Variants in ERC1 observed in about 807,000 individuals in gnomAD.
The protein encoded by ERC1 is ELKS/RAB6-interacting/CAST family member 1, also known as RAB6 interacting protein 2.
ERC1 carries 56 observed loss-of-function variants against 132.0 expected under a neutral mutation model. The observed-to-expected ratio is 0.42, with a 90% CI of 0.34 to 0.53. The LOEUF (loss-of-function observed/expected upper bound fraction) is 0.53. Among genes scored for constraint, ERC1 ranks in the 20% least tolerant of loss-of-function variants. The pLI is 0.03. For synonymous variants in ERC1, 478 were observed against 476.1 expected, an observed-to-expected ratio of 1.00 and a Z score of -0.05; for missense variants, 1,202 against 1,349.9, an observed-to-expected ratio of 0.89 and a Z score of 1.72.
In ERC1 at chr12:1,367,104, G is replaced by A. The variant is rs2086734209; in HGVS notation, c.2781-4729G>A. ...TCATTAGAGGATTTCTTCAGGAAAA[G>A]AGATAGAAGAGTAGAAGAGATATAT... On this transcript the variant is annotated intron_variant, in intron 15 of 18. Coordinates refer to ENST00000360905, the MANE Select transcript of ERC1 (RefSeq NM_178040.4). Among the ~76,000 whole-genome samples the A allele has an allele frequency of 2.0e-5, 3 of 152,162 alleles. No homozygotes were observed. In the South Asian group the frequency reaches 6.2e-4, roughly 31 times the overall value.
chr12:1,014,065 C>T (rs1190313415), intron 1 of ERC1, among the ~76,000 whole-genome samples: 1 of 151,432 alleles, frequency 6.6e-6, no homozygotes, highest in East Asian at 1.9e-4. Flanking sequence ...GAGATATTAG[C>T]AATCTGTCTA....
chr12:1,347,393 A>G (rs1004359224), intron 15 of ERC1, among the ~76,000 whole-genome samples: 9 of 152,110 alleles, frequency 5.9e-5, no homozygotes, highest in Non-Finnish European at 8.8e-5. Flanking sequence ...GTACAACATG[A>G]TGTTTTGAAA....
intron 2 of ERC1, among the ~76,000 whole-genome samples, chr12:1,058,194 A>T (rs1180121710): frequency 1.3e-5 from 2 of 152,104 alleles, no homozygotes; most frequent in African/African-American, 2.4e-5. Flanking sequence ...AGTTTGTTAT[A>T]GTCCCATTTG....
chr12:1,179,083 T>G (rs1037545755), intron 8 of ERC1, among the ~76,000 whole-genome samples: 1 of 152,214 alleles, frequency 6.6e-6, no homozygotes, highest in Non-Finnish European at 1.5e-5. Context: ...ATAATAATTT[T>G]TATTGTACTT....
At chr12:1,425,737 C>T (rs2092614671) in intron 17 of ERC1, among the ~76,000 whole-genome samples, 1 of 152,112 alleles carries the variant, frequency 6.6e-6, no homozygotes, top group Non-Finnish European at 1.5e-5. Flanking sequence ...ATTTTTCTGG[C>T]CCTAATGCAC....
At chr12:1,431,491 T>C (rs1193074868) in intron 17 of ERC1, among the ~76,000 whole-genome samples, 1 of 152,088 alleles carries the variant, frequency 6.6e-6, no homozygotes, top group Non-Finnish European at 1.5e-5. Context: ...ATACATGTAG[T>C]TGAAAATGTT....
chr12:1,378,293 A>G (rs10773941), intron 16 of ERC1, among the ~76,000 whole-genome samples: 61,991 of 152,048 alleles, frequency 0.41, 13,935 homozygotes, highest in African/African-American at 0.59. Flanking sequence ...CAAGTTGGAG[A>G]CAGTAAATAA....
Position 1,164,541 on chromosome 12 carries a change from C to T in ERC1, c.1738-15999C>T, listed in dbSNP as rs570738524. Among the ~76,000 whole-genome samples, 24 of 152,122 alleles carry T rather than the reference C, an allele frequency of 1.6e-4. No individual in the cohort carries two copies. The East Asian group carries it at 3.9e-3, about 25-fold the overall frequency. On this transcript the variant is annotated intron_variant, in intron 8 of 18. Transcript: ENST00000360905. ...TATTTTTAGTAGAGAAGGGTTTCACCGTGTTAGCCAGGATGGTCTCGATCT... is the reference window on the plus strand; with the variant it reads ...TATTTTTAGTAGAGAAGGGTTTCACTGTGTTAGCCAGGATGGTCTCGATCT...
intron 14 of ERC1, among the ~76,000 whole-genome samples, chr12:1,277,385 A>G (rs2078346915): frequency 6.6e-6 from 1 of 152,220 alleles, no homozygotes; most frequent in African/African-American, 2.4e-5. Flanking sequence ...CATCACTGGT[A>G]AATTTGACAT....
intron 17 of ERC1, among the ~76,000 whole-genome samples, chr12:1,441,829 C>T (rs369137862): frequency 2.0e-5 from 3 of 152,198 alleles, no homozygotes; most frequent in African/African-American, 4.8e-5. Flanking sequence ...GAGACGGTTT[C>T]GTCATTGGCG....
At chr12:1,288,389 A>G (rs1035358863) in intron 14 of ERC1, among the ~76,000 whole-genome samples, 2 of 152,210 alleles carry the variant, frequency 1.3e-5, no homozygotes, top group Non-Finnish European at 2.9e-5. Flanking sequence ...TGCTGAGATT[A>G]CAGGCACGAG....
At chr12:1,404,927 T>C (rs1416634297) in intron 16 of ERC1, among the ~76,000 whole-genome samples, 3 of 151,666 alleles carry the variant, frequency 2.0e-5, no homozygotes, top group Non-Finnish European at 4.4e-5. Context: ...TCACTTGGGG[T>C]CAGGAGTTTG....
rs552231403 is a variant in ERC1 at position 1,052,765 on chromosome 12, T to C, written c.669+24193T>C. ...AGGGCGGATCACCTGAGGTCGGGAG[T>C]TCAAGATCAGCCTGGCCAACATGGT... On this transcript the variant is annotated intron_variant, in intron 2 of 18. Coordinates refer to ENST00000360905, the MANE Select transcript of ERC1 (RefSeq NM_178040.4). Among the ~76,000 whole-genome samples, 6 of 151,244 alleles carry C rather than the reference T, an allele frequency of 4.0e-5. No homozygotes were observed. The South Asian group carries it at 1.3e-3, about 32-fold the overall frequency.
At chr12:1,018,444 A>C (rs540680664) in intron 1 of ERC1, among the ~76,000 whole-genome samples, 1 of 152,204 alleles carries the variant, frequency 6.6e-6, no homozygotes, top group Non-Finnish European at 1.5e-5. Context: ...CGAACTCCTG[A>C]CCTCAAGTGA....
chr12:1,344,680 GGAAAACTAACAT>G (rs1219678184), intron 15 of ERC1, among the ~76,000 whole-genome samples: 79 of 152,106 alleles, frequency 5.2e-4, no homozygotes, highest in African/African-American at 1.9e-3. Context: ...GAGCTCTCTA[GGAAAACTAACAT>G]TTGTTAAGGG....
chr12:1,053,911 T>A (rs1565870452), intron 2 of ERC1, among the ~76,000 whole-genome samples: 1 of 152,194 alleles, frequency 6.6e-6, no homozygotes, highest in East Asian at 1.9e-4. Context: ...GGAAACCACC[T>A]CTGTTTTGTC....
intron 1 of ERC1, among the ~76,000 whole-genome samples, chr12:1,014,622 CGT>C (rs1965224597): frequency 6.6e-6 from 1 of 152,094 alleles, no homozygotes; most frequent in Non-Finnish European, 1.5e-5. Flanking sequence ...TACAAACATA[CGT>C]GTATATATCC....
In ERC1 at chr12:1,484,583, C is replaced by CTTTT. The variant is rs542712129; in HGVS notation, c.3214-5499_3214-5496dup. ...TTGTTTGTTTTGAGTTTTTCTTTTCCTTTTTTTTTTTTTTGAGATGGAGTC... is the reference window on the plus strand; with the variant it reads ...TTGTTTGTTTTGAGTTTTTCTTTTCCTTTTTTTTTTTTTTTTTTGAGATGGAGTC... On this transcript the variant is annotated intron_variant, in intron 18 of 18. Transcript: ENST00000360905. 5.5e-4 allele frequency among the ~76,000 whole-genome samples: 76 copies of CTTTT among 138,132 alleles called. 1 individual carries two copies. The South Asian group carries it at 5.9e-3, about 11-fold the overall frequency. The allele number at this position is 138,132 out of a possible 152,430, so 90.6% of individuals were successfully genotyped here. A position where few individuals can be genotyped will look rare whatever the true frequency, so the allele number is the denominator to read the frequency against.
At chr12:1,051,373 C>A (rs1346832506) in intron 2 of ERC1, among the ~76,000 whole-genome samples, 1 of 152,072 alleles carries the variant, frequency 6.6e-6, no homozygotes, top group East Asian at 1.9e-4. Context: ...TACTAAAATA[C>A]ACTTATCTCG....
Sources: gnomAD v4.1 joint callset for allele counts (sites outside exome capture counted in the v4.1 genomes callset) on GRCh38, gnomAD v4.1.1 for gene constraint, MANE v1.5 for transcripts, NCBI Gene and HGNC (gene_info 2026-07-23, HGNC 2026-07-21) for gene names.